The following PRKN variants were observed in gnomAD, a reference collection of about 807,000 sequenced individuals.
PRKN encodes E3 ubiquitin-protein ligase parkin.
PRKN carries 56 observed loss-of-function variants against 59.5 expected under a neutral mutation model. The ratio of observed to expected loss-of-function variants is 0.94; its 90% CI spans 0.76 to 1.18. The LOEUF (loss-of-function observed/expected upper bound fraction) is 1.18, where lower values mean the gene tolerates loss of function less well. Among genes scored for constraint, PRKN ranks in the 50% most tolerant of loss-of-function variants. The pLI is 0.00. For synonymous variants in PRKN, 250 were observed against 222.1 expected (o/e 1.13, Z -1.12); for missense variants, 657 against 596.4 (o/e 1.10, Z -1.06).
chr6:161,657,871 C>CA (rs892953340), intron 7 of PRKN, among the ~76,000 whole-genome samples: 7 of 151,112 alleles, frequency 4.6e-5, no homozygotes, highest in African/African-American at 1.2e-4. Flanking sequence ...ACTAAAAATA[C>CA]AAAAAAAATT....
intron 3 of PRKN, among the ~76,000 whole-genome samples, chr6:162,241,350 T>C (rs995597671): frequency 6.6e-6 from 1 of 152,112 alleles, no homozygotes; most frequent in Non-Finnish European, 1.5e-5. Flanking sequence ...GAGAAATGCA[T>C]CTAGATATTC....
At chr6:162,457,209 A>C (rs1790919616) in intron 1 of PRKN, among the ~76,000 whole-genome samples, 1 of 152,218 alleles carries the variant, frequency 6.6e-6, no homozygotes. Context: ...AAAAATGAAG[A>C]TTAACTATAT....
chr6:162,225,664 C>T (rs1416585097), intron 3 of PRKN, among the ~76,000 whole-genome samples: 1 of 152,098 alleles, frequency 6.6e-6, no homozygotes, highest in Non-Finnish European at 1.5e-5. Context: ...AACTCCAATG[C>T]TGTACACACA....
In PRKN at chr6:161,377,043, G is replaced by A. The variant is rs377132680; in HGVS notation, c.1167+9751C>T. 5.9e-5 allele frequency among the ~76,000 whole-genome samples: 9 copies of A among 152,210 alleles called. No individual in the cohort carries two copies. The East Asian group carries it at 7.7e-4, about 13-fold the overall frequency. On this transcript the variant is annotated intron_variant, in intron 10 of 11. Coordinates refer to ENST00000366898, the MANE Select transcript of PRKN (RefSeq NM_004562.3). This position sits in a 1 kb window ranked among gnomAD's most constrained non-coding sequence, Gnocchi z 4.2. ...GGGCAGGGTCAGGCGGCATGCAAGC[G>A]CCCTGTCTCTGCGGCTGTGCACGCA...
intron 5 of PRKN, among the ~76,000 whole-genome samples, chr6:162,030,862 G>A (rs1783608634): frequency 6.6e-6 from 1 of 152,162 alleles, no homozygotes; most frequent in South Asian, 2.1e-4. Context: ...GATTCTTCAA[G>A]AGTGCAGTCT....
At position 162,274,168 on chromosome 6, in the gene PRKN, T is replaced by A. The variant is rs187633639; in HGVS notation, c.172-11403A>T. Among the ~76,000 whole-genome samples the A allele has an allele frequency of 1.7e-3, 260 of 151,510 alleles. 1 individual carries two copies. Among genetic ancestry groups the A allele is most frequent in the South Asian group, 4.2e-3 (20 of 4,780 alleles). On this transcript the variant is annotated intron_variant, in intron 2 of 11. Transcript: ENST00000366898. ...CTTCTTGTAATTTAATTAATTAATT[T>A]ATTAATTTATTAATGTATTTATTTA...
intron 6 of PRKN, among the ~76,000 whole-genome samples, chr6:161,943,530 A>G (rs1779642284): frequency 6.6e-6 from 1 of 152,262 alleles, no homozygotes; most frequent in African/African-American, 2.4e-5. Context: ...TATGCTTTAA[A>G]GAAGTTTTTG....
At chr6:162,607,167 G>A (rs1781955295) in intron 1 of PRKN, among the ~76,000 whole-genome samples, 2 of 152,180 alleles carry the variant, frequency 1.3e-5, no homozygotes, top group Non-Finnish European at 2.9e-5. Flanking sequence ...GAGATCTCTG[G>A]GTCTAGACTA....
intron 2 of PRKN, among the ~76,000 whole-genome samples, chr6:162,373,682 A>G (rs1031313991): frequency 5.9e-5 from 9 of 152,170 alleles, no homozygotes; most frequent in Non-Finnish European, 1.3e-4. Context: ...CCCTTCTTAC[A>G]TATCTTTTGT....
chr6:162,484,130 C>A (rs1792434435), intron 1 of PRKN, among the ~76,000 whole-genome samples: 1 of 152,126 alleles, frequency 6.6e-6, no homozygotes, highest in Admixed American at 6.6e-5. Flanking sequence ...TATAAAGGAA[C>A]TGGCTGTTTG....
chr6:161,748,033 T>C (rs1360991218), intron 7 of PRKN, among the ~76,000 whole-genome samples: 1 of 152,200 alleles, frequency 6.6e-6, no homozygotes, highest in Non-Finnish European at 1.5e-5. Flanking sequence ...TACACAGCTT[T>C]GAGATCTTGG....
In PRKN at chr6:162,186,311, CT is replaced by C. The variant is rs5881461; in HGVS notation, c.534+14819del. ...TCACTGACATAATTTTTTTAACAGACTTTTTTTTTTTTTAGCAGTTTTAGGC... is the reference window on the plus strand; with the variant it reads ...TCACTGACATAATTTTTTTAACAGACTTTTTTTTTTTTAGCAGTTTTAGGC... On this transcript the variant is annotated intron_variant, in intron 4 of 11. Transcript: ENST00000366898. Among the ~76,000 whole-genome samples, 1,281 of 143,936 alleles carry C rather than the reference CT, an allele frequency of 8.9e-3. 15 individuals are homozygous for C. Among genetic ancestry groups the C allele is most frequent in the African/African-American group, 0.024 (958 of 39,746 alleles). The allele number at this position is 143,936 out of a possible 152,430, so 94.4% of individuals were successfully genotyped here.
chr6:161,792,566 T>C lies in PRKN; in HGVS notation c.735-6658A>G, dbSNP rs73601049. Reference sequence around the variant, plus strand: ...AAAGCAGCACAAGTTAAAATAAAAATATTACGTGCAAAATCCTTGAGGAAA... The same window carrying C: ...AAAGCAGCACAAGTTAAAATAAAAACATTACGTGCAAAATCCTTGAGGAAA... On this transcript the variant is annotated intron_variant, in intron 6 of 11. Coordinates refer to ENST00000366898, the MANE Select transcript of PRKN (RefSeq NM_004562.3). Among the ~76,000 whole-genome samples the C allele has an allele frequency of 4.5e-3, 687 of 152,320 alleles. 4 individuals carry two copies. Among genetic ancestry groups the C allele is most frequent in the African/African-American group, 0.016 (664 of 41,568 alleles).
At chr6:162,537,181 A>G (rs2128198591) in intron 1 of PRKN, among the ~76,000 whole-genome samples, 1 of 152,252 alleles carries the variant, frequency 6.6e-6, no homozygotes, top group Non-Finnish European at 1.5e-5. Context: ...GGAGCTTTCA[A>G]AACTATTAAA....
chr6:162,151,723 T>C (rs1362308105), intron 4 of PRKN, among the ~76,000 whole-genome samples: 1 of 152,154 alleles, frequency 6.6e-6, no homozygotes, highest in Non-Finnish European at 1.5e-5. Context: ...CCAGTCCCAC[T>C]TTAAGAAAAA....
At chr6:161,514,452 A>G (rs913342724) in intron 9 of PRKN, among the ~76,000 whole-genome samples, 1 of 152,130 alleles carries the variant, frequency 6.6e-6, no homozygotes, top group East Asian at 1.9e-4. Context: ...GGTTATGGGG[A>G]AAAAGGGTGA....
intron 7 of PRKN, among the ~76,000 whole-genome samples, chr6:161,715,130 A>G (rs1387674127): frequency 6.6e-6 from 1 of 152,204 alleles, no homozygotes; most frequent in Non-Finnish European, 1.5e-5. Flanking sequence ...TTTATAACGA[A>G]AATGTGCACA....
chr6:161,851,649 C>T (rs1053691053), intron 6 of PRKN, among the ~76,000 whole-genome samples: 6 of 151,674 alleles, frequency 4.0e-5, no homozygotes, highest in Non-Finnish European at 8.8e-5. Context: ...CCATGCCTGG[C>T]TAATTTTTGT....
rs1251350179 is a variant in PRKN, at chr6:161,457,240, T to A, written c.1084-70363A>T. 6.6e-6 allele frequency among the ~76,000 whole-genome samples: 1 copy of A among 152,198 alleles called. No individual in the cohort carries two copies. The highest frequency in any genetic ancestry group is 1.5e-5 in the Non-Finnish European group (1 of 68,034). ...TGCATTCCATTACTTTTCCTACACA[T>A]GTGTCTCTGTTAAGCACTTTGCAAG... On this transcript the variant is annotated intron_variant, in intron 9 of 11. Coordinates refer to ENST00000366898, the MANE Select transcript of PRKN (RefSeq NM_004562.3). This position sits in a 1 kb window ranked among gnomAD's most constrained non-coding sequence, Gnocchi z 5.0.
Sources: allele counts gnomAD v4.1 joint callset (sites outside exome capture counted in the v4.1 genomes callset), GRCh38; gene constraint gnomAD v4.1.1; non-coding constraint Gnocchi (gnomAD v3.1); transcripts MANE v1.5; gene names NCBI Gene and HGNC (gene_info 2026-07-23, HGNC 2026-07-21).